TNFRSF11A: variants seen among roughly 807,000 people sequenced by gnomAD.
TNFRSF11A encodes tumor necrosis factor receptor superfamily member 11A.
In TNFRSF11A, 32 loss-of-function variants were observed where a neutral mutation model predicts 55.7. The observed-to-expected ratio is 0.57, with a 90% CI of 0.43 to 0.77. TNFRSF11A has a LOEUF of 0.77. Ranked by LOEUF, TNFRSF11A falls within the 30% of genes least tolerant of loss-of-function variation. The probability of loss-of-function intolerance (pLI) is 0.00; values close to 1 mark genes in which losing one functional copy is unlikely to be tolerated. For missense variants in TNFRSF11A, 753 were observed against 809.8 expected (o/e 0.93, Z 0.85); for synonymous variants, 311 against 331.0 (o/e 0.94, Z 0.65).
At chr18:62,358,225 G>GTT (rs71160827) in intron 4 of TNFRSF11A, 23 bp from the exon 5 acceptor site, 5,477 of 1,453,162 alleles carry the variant, frequency 3.8e-3, no homozygotes, top group Admixed American at 6.9e-3. Flanking sequence ...TGTCTGGGTT[G>GTT]TTTTTTTTTT....
Position 62,368,695 on chromosome 18 carries a change from C to T in TNFRSF11A, c.784-6C>T, listed in dbSNP as rs369507616. The T allele has an allele frequency of 7.4e-6, 12 of 1,614,040 alleles. No homozygotes were observed. Among genetic ancestry groups the T allele is most frequent in the Non-Finnish European group, 1.0e-5 (12 of 1,180,038 alleles). On this transcript the variant is annotated splice_region_variant and splice_polypyrimidine_tract_variant and intron_variant, in intron 8 of 9. Coordinates refer to ENST00000586569, the MANE Select transcript of TNFRSF11A (RefSeq NM_003839.4). ...ATGCCTCTGCCTTCTGAATGTAAAT[C>T]GGCAGGAGTCCTCAGGTGACAGTTG...
At chr18:62,352,071 C>A (rs2046482475) in intron 3 of TNFRSF11A, among the ~76,000 whole-genome samples, 1 of 152,236 alleles carries the variant, frequency 6.6e-6, no homozygotes, top group South Asian at 2.1e-4. Context: ...GCTGGGATTA[C>A]AGCATGAGCC....
At chr18:62,382,391 G>A (rs1364265225) in intron 9 of TNFRSF11A, among the ~76,000 whole-genome samples, 1 of 152,074 alleles carries the variant, frequency 6.6e-6, no homozygotes, top group Non-Finnish European at 1.5e-5. Flanking sequence ...GATTACAGGC[G>A]TGAGCCACCG....
At chr18:62,376,125 T>G (rs1910875672) in intron 9 of TNFRSF11A, among the ~76,000 whole-genome samples, 4 of 152,134 alleles carry the variant, frequency 2.6e-5, no homozygotes, top group Admixed American at 2.6e-4. Context: ...CCCAGAGGGT[T>G]CCACAGGAGG....
intron 6 of TNFRSF11A, 112 bp from the exon 7 acceptor site, chr18:62,361,568 T>C: frequency 1.9e-6 from 2 of 1,047,072 alleles, no homozygotes; most frequent in Non-Finnish European, 3.0e-6. Flanking sequence ...TCACTTCTGC[T>C]ATCCCAGACC....
chr18:62,366,267 A>G (rs1291792445), intron 7 of TNFRSF11A, among the ~76,000 whole-genome samples: 2 of 152,248 alleles, frequency 1.3e-5, no homozygotes, highest in African/African-American at 4.8e-5. Context: ...ATAAAAATCT[A>G]GAATGATTGC....
In TNFRSF11A at chr18:62,348,280, C is replaced by T. The variant is rs776073378; in HGVS notation, c.157+31C>T. 2.5e-6 allele frequency: 4 copies of T among 1,592,588 alleles called. No homozygotes were observed. In the South Asian group the frequency reaches 4.4e-5, roughly 18 times the overall value. On this transcript the variant is annotated intron_variant, in intron 2 of 9. Transcript: ENST00000586569. ...CCTGCTTCTGAGCCACCTTGCATTG[C>T]CCCTCAAAAGTGGGTGAGGCTTTCA... is the stretch of plus-strand genomic sequence containing the variant.
Position 62,385,326 on chromosome 18 carries a change from A to C in TNFRSF11A, c.*292A>C. Reference sequence around the variant, plus strand: ...TTGTGGCACTATGACAGCTATTTTTATGACTATCCTGTTCTGTGGGGGGGG... The same window carrying C: ...TTGTGGCACTATGACAGCTATTTTTCTGACTATCCTGTTCTGTGGGGGGGG... On this transcript the variant is annotated 3_prime_UTR_variant, in exon 10 of 10. Coordinates refer to ENST00000586569, the MANE Select transcript of TNFRSF11A (RefSeq NM_003839.4). 1.5e-4 allele frequency: 37 copies of C among 247,108 alleles called. No individual in the cohort carries two copies. Among genetic ancestry groups the C allele is most frequent in the East Asian group, 1.9e-4 (2 of 10,270 alleles). 15.3% of individuals were successfully genotyped at this position (247,108 alleles called of 1,614,324 possible).
chr18:62,377,717 G>A lies in TNFRSF11A; in HGVS notation c.1568-7034G>A, dbSNP rs563904507. On this transcript the variant is annotated intron_variant, in intron 9 of 9. Transcript: ENST00000586569. ...GGTGAGGTGTCTGTTAAGGCCTTGG[G>A]TCCATTTTTTAATCGGGTTATTTGT... 2.0e-5 allele frequency among the ~76,000 whole-genome samples: 3 copies of A among 152,254 alleles called. No individual in the cohort carries two copies. The South Asian group carries it at 6.2e-4, about 32-fold the overall frequency.
chr18:62,367,869 C>T (rs1910215958), intron 8 of TNFRSF11A, among the ~76,000 whole-genome samples: 1 of 138,980 alleles, frequency 7.2e-6, no homozygotes, highest in Admixed American at 7.7e-5. Flanking sequence ...TCTCGGCTCA[C>T]TGCAACCTCT....
chr18:62,360,819 A>T (rs959385917), intron 6 of TNFRSF11A, among the ~76,000 whole-genome samples: 3 of 152,208 alleles, frequency 2.0e-5, no homozygotes, highest in African/African-American at 7.2e-5. Context: ...CTTGGTGAGC[A>T]GGACAGTGTG....
chr18:62,377,693 G>T (rs11664074), intron 9 of TNFRSF11A, among the ~76,000 whole-genome samples: 1 of 152,174 alleles, frequency 6.6e-6, no homozygotes, highest in Non-Finnish European at 1.5e-5. Flanking sequence ...GATATCTTTG[G>T]TGAGGTGTCT....
chr18:62,328,432 A>C (rs987079988), intron 1 of TNFRSF11A, among the ~76,000 whole-genome samples: 35 of 152,146 alleles, frequency 2.3e-4, no homozygotes, highest in African/African-American at 7.7e-4. Flanking sequence ...AAAAAAAAAA[A>C]CAACCATATA....
rs1911625727 is a variant in TNFRSF11A at position 62,385,113 on chromosome 18, GCCACCCAGGGATCGATC to G, written c.*80_*96del. 2 of 1,360,098 alleles carry G rather than the reference GCCACCCAGGGATCGATC, an allele frequency of 1.5e-6. No individual in the cohort carries two copies. Among genetic ancestry groups the G allele is most frequent in the Non-Finnish European group, 1.9e-6 (2 of 1,059,782 alleles). 84.3% of individuals were successfully genotyped at this position (1,360,098 alleles called of 1,614,324 possible). The stretch of plus-strand genomic sequence containing the variant: ...CACCGCAGCCTCTGCCCCAGCCCCG[GCCACCCAGGGATCGATC>G]GGTACAGTCGAGGAAGACCACCCGG... On this transcript the variant is annotated 3_prime_UTR_variant, in exon 10 of 10. Coordinates refer to ENST00000586569, the MANE Select transcript of TNFRSF11A (RefSeq NM_003839.4).
intron 8 of TNFRSF11A, 70 bp from the exon 9 acceptor site, chr18:62,368,631 A>G: frequency 6.6e-7 from 1 of 1,510,294 alleles, no homozygotes; most frequent in Non-Finnish European, 9.2e-7. Context: ...TGTTTTCAGC[A>G]ATGTTTAGCT....
intron 6 of TNFRSF11A, 146 bp downstream of exon 6, chr18:62,360,195 C>A: frequency 1.4e-6 from 1 of 690,120 alleles, no homozygotes. Context: ...ATTTCATTCT[C>A]ATCAGTATTT....
chr18:62,363,400 G>A (rs1417156572), intron 7 of TNFRSF11A, among the ~76,000 whole-genome samples: 3 of 124,362 alleles, frequency 2.4e-5, no homozygotes, highest in South Asian at 2.5e-4. Flanking sequence ...ACAGAGTCTC[G>A]CTCTGTCGCC....
chr18:62,348,998 GAGGAAGTTAACAAA>G (rs369387199), intron 2 of TNFRSF11A, among the ~76,000 whole-genome samples: 27 of 152,134 alleles, frequency 1.8e-4, no homozygotes, highest in African/African-American at 5.6e-4. Context: ...AGTAAGTGTA[GAGGAAGTTAACAAA>G]AAGAAGTTAA....
intron 9 of TNFRSF11A, among the ~76,000 whole-genome samples, chr18:62,382,132 T>TGA (rs1911336334): frequency 1.4e-5 from 2 of 143,680 alleles, no homozygotes; most frequent in South Asian, 2.3e-4. Flanking sequence ...TTTTTTTTTT[T>TGA]GAGAGAGTCT....
Sources: allele counts gnomAD v4.1 joint callset (sites outside exome capture counted in the v4.1 genomes callset), GRCh38; gene constraint gnomAD v4.1.1; transcripts MANE v1.5; gene names NCBI Gene and HGNC (gene_info 2026-07-23, HGNC 2026-07-21).